HNF4G: variants seen among roughly 807,000 people sequenced by gnomAD.
HNF4G encodes the protein hepatocyte nuclear factor 4-gamma.
Under a neutral mutation model 50.9 loss-of-function variants are expected in HNF4G, and 21 were observed. The ratio of observed to expected loss-of-function variants is 0.41; its 90% CI spans 0.29 to 0.59. HNF4G has a LOEUF of 0.59. Ranked by LOEUF, HNF4G falls within the 20% of genes least tolerant of loss-of-function variation. HNF4G has a pLI of 0.26. For missense variants in HNF4G, 527 were observed against 559.4 expected, an observed-to-expected ratio of 0.94 and a Z score of 0.58; for synonymous variants, 198 against 185.6, an observed-to-expected ratio of 1.07 and a Z score of -0.54.
intron 2 of HNF4G, among the ~76,000 whole-genome samples, chr8:75,521,385 A>T (rs74361256): frequency 0.049 from 7,495 of 152,290 alleles, 206 homozygotes; most frequent in African/African-American, 0.06. Flanking sequence ...GCAGCTGCAC[A>T]GTTTTATGTA....
At chr8:75,555,489 C>A (rs1316068866) in intron 5 of HNF4G, among the ~76,000 whole-genome samples, 1 of 152,064 alleles carries the variant, frequency 6.6e-6, no homozygotes, top group African/African-American at 2.4e-5. Flanking sequence ...CTTTGCTTTG[C>A]TTTTGTTTAT....
At chr8:75,535,221 C>T (rs1188586672), upstream of HNF4G, among the ~76,000 whole-genome samples, 1 of 151,560 alleles carries the variant, frequency 6.6e-6, no homozygotes, top group Non-Finnish European at 1.5e-5. Context: ...ATTAAAATAC[C>T]CATCTTTGTT....
At chr8:75,473,934 G>GA (rs1045370041) in intron 1 of HNF4G, among the ~76,000 whole-genome samples, 1 of 151,818 alleles carries the variant, frequency 6.6e-6, no homozygotes, top group Non-Finnish European at 1.5e-5. Flanking sequence ...GGCTGTCTGA[G>GA]AAAAAAACAA....
chr8:75,531,325 A>G (rs1057000394), intron 2 of HNF4G, among the ~76,000 whole-genome samples: 1 of 152,180 alleles, frequency 6.6e-6, no homozygotes, highest in Non-Finnish European at 1.5e-5. Context: ...AAATTAAAAG[A>G]TGCATTCCTA....
chr8:75,550,016 A>G (rs1286839561), intron 3 of HNF4G, among the ~76,000 whole-genome samples: 1 of 151,998 alleles, frequency 6.6e-6, no homozygotes, highest in Non-Finnish European at 1.5e-5. Flanking sequence ...CAGACAACTC[A>G]CTCTTTCTTA....
At chr8:75,551,618 C>T (rs1055308757) in intron 4 of HNF4G, 124 bp downstream of exon 4, 1 of 554,094 alleles carries the variant, frequency 1.8e-6, no homozygotes, top group African/African-American at 1.9e-5. Flanking sequence ...CATCTACACA[C>T]AATTAAGAGT....
chr8:75,522,158 G>A (rs1806061692), intron 2 of HNF4G, among the ~76,000 whole-genome samples: 1 of 152,190 alleles, frequency 6.6e-6, no homozygotes, highest in Non-Finnish European at 1.5e-5. Flanking sequence ...CTGTGTAGAA[G>A]ATTCTGCCCA....
chr8:75,542,885 T>A (rs1242992098), intron 1 of HNF4G, among the ~76,000 whole-genome samples: 1 of 152,072 alleles, frequency 6.6e-6, no homozygotes, highest in Non-Finnish European at 1.5e-5. Context: ...TGAAAAGTTG[T>A]GAATTAAATA....
intron 1 of HNF4G, among the ~76,000 whole-genome samples, chr8:75,436,551 A>C (rs1318764304): frequency 6.6e-6 from 1 of 152,142 alleles, no homozygotes; most frequent in Non-Finnish European, 1.5e-5. Flanking sequence ...CGAACAAAAG[A>C]TATTGGGAAA....
At chr8:75,448,833 G>C (rs545868893) in intron 1 of HNF4G, among the ~76,000 whole-genome samples, 1 of 151,948 alleles carries the variant, frequency 6.6e-6, no homozygotes, top group African/African-American at 2.4e-5. Flanking sequence ...AAAATACATA[G>C]GACTATATCA....
At chr8:75,433,105 T>C (rs1019781673) in intron 1 of HNF4G, among the ~76,000 whole-genome samples, 1 of 151,968 alleles carries the variant, frequency 6.6e-6, no homozygotes, top group African/African-American at 2.4e-5. Flanking sequence ...TTCTGACCCA[T>C]AGAAGCTATA....
At chr8:75,471,095 A>G (rs954559634) in intron 1 of HNF4G, among the ~76,000 whole-genome samples, 1 of 152,208 alleles carries the variant, frequency 6.6e-6, no homozygotes, top group Non-Finnish European at 1.5e-5. Flanking sequence ...TGGAAAGACA[A>G]TCAAAATAAA....
At chr8:75,545,705 T>G (rs1482470698) in intron 2 of HNF4G, among the ~76,000 whole-genome samples, 1 of 152,108 alleles carries the variant, frequency 6.6e-6, no homozygotes, top group East Asian at 1.9e-4. Context: ...TTTCAATACT[T>G]TTCATGTTAT....
intron 2 of HNF4G, among the ~76,000 whole-genome samples, chr8:75,507,012 A>G (rs1261550096): frequency 6.6e-6 from 1 of 152,224 alleles, no homozygotes; most frequent in African/African-American, 2.4e-5. Context: ...TTACGAAAAG[A>G]ACATATATAA....
chr8:75,453,536 T>A (rs1811639659), intron 1 of HNF4G, among the ~76,000 whole-genome samples: 1 of 117,374 alleles, frequency 8.5e-6, no homozygotes. Context: ...AGTGGCAACC[T>A]GCTAGGGTTC....
chr8:75,501,944 C>T (rs1812939020), intron 2 of HNF4G, among the ~76,000 whole-genome samples: 1 of 151,788 alleles, frequency 6.6e-6, no homozygotes, highest in Non-Finnish European at 1.5e-5. Flanking sequence ...CCTCCGCCTC[C>T]CGGGTTCAAG....
At chr8:75,489,282 A>G (rs2067984) in intron 1 of HNF4G, among the ~76,000 whole-genome samples, 34,732 of 152,106 alleles carry the variant, frequency 0.23, 5,179 homozygotes, top group African/African-American at 0.42. Context: ...CAATGGTTTG[A>G]TGCCTTTCAA....
At chr8:75,474,507 TTAAAA>T (rs1304619896) in intron 1 of HNF4G, among the ~76,000 whole-genome samples, 1 of 152,166 alleles carries the variant, frequency 6.6e-6, no homozygotes, top group African/African-American at 2.4e-5. Flanking sequence ...TTAAAACTAC[TTAAAA>T]TAAGTTCAAT....
chr8:75,543,358 TGAAG>T (rs995605975), intron 1 of HNF4G, among the ~76,000 whole-genome samples: 1 of 152,108 alleles, frequency 6.6e-6, no homozygotes, highest in African/African-American at 2.4e-5. Context: ...CAGGGGAGAC[TGAAG>T]GAAGGAAGAA....
Sources: gnomAD v4.1 joint callset for allele counts (sites outside exome capture counted in the v4.1 genomes callset) on GRCh38, gnomAD v4.1.1 for gene constraint, MANE v1.5 for transcripts, NCBI Gene and HGNC (gene_info 2026-07-23, HGNC 2026-07-21) for gene names.